The following DIS3L2 variants were observed in gnomAD, a reference collection of about 807,000 sequenced individuals.
The protein encoded by DIS3L2 is DIS3 like 3'-5' exoribonuclease 2.
Under a neutral mutation model 97.5 loss-of-function variants are expected in DIS3L2, and 34 were observed. The ratio of observed to expected loss-of-function variants is 0.35; its 90% CI spans 0.27 to 0.46. The LOEUF (loss-of-function observed/expected upper bound fraction) is 0.46. DIS3L2 is among the 20% of genes least tolerant of loss of function. The probability of loss-of-function intolerance (pLI) is 1.00; values close to 1 mark genes in which losing one functional copy is unlikely to be tolerated. For missense variants in DIS3L2, 1,038 were observed against 1,146.0 expected (o/e 0.91, Z 1.36); for synonymous variants, 435 against 445.2 (o/e 0.98, Z 0.29).
Position 232,330,776 on chromosome 2 carries a change from G to A in DIS3L2, c.2010G>A (p.Gln670=). The change falls in exon 16 of 21, where the codon CAG becomes CAA. Residue 670 remains glutamine (Q), a splice_region_variant and synonymous_variant. Coordinates refer to ENST00000325385, the MANE Select transcript of DIS3L2 (RefSeq NM_152383.5). ...CCAACATGTGCTCCCGGCCCATGCA[G>A]GTAAGGAGGGCCCAGCCCCGGCCTC... is the stretch of plus-strand genomic sequence containing the variant. The part of the protein sequence containing the change: ...VLTNMCSRPM[Q]MALYFCSGLL... 1 of 1,610,174 alleles carries A rather than the reference G, an allele frequency of 6.2e-7. No individual in the cohort carries two copies. The highest frequency in any genetic ancestry group is 1.1e-5 in the South Asian group (1 of 91,086).
At chr2:232,232,556 G>C (rs1290280587) in intron 10 of DIS3L2, among the ~76,000 whole-genome samples, 1 of 152,176 alleles carries the variant, frequency 6.6e-6, no homozygotes, top group African/African-American at 2.4e-5. Context: ...AAAGTCCCAG[G>C]TTTCTTTTTG....
intron 14 of DIS3L2, among the ~76,000 whole-genome samples, chr2:232,311,621 C>T (rs1462408026): frequency 6.6e-6 from 1 of 152,066 alleles, no homozygotes; most frequent in Non-Finnish European, 1.5e-5. Flanking sequence ...TCCCATGTGC[C>T]CCTCACTCCT....
chr2:232,075,222 G>T (rs1415988240), intron 5 of DIS3L2, among the ~76,000 whole-genome samples: 1 of 152,158 alleles, frequency 6.6e-6, no homozygotes, highest in Non-Finnish European at 1.5e-5. Context: ...ATTGTGACAT[G>T]TCTGAAGTCA....
At chr2:232,163,718 C>G (rs1690724002) in intron 9 of DIS3L2, 86 bp downstream of exon 9, 1 of 1,423,794 alleles carries the variant, frequency 7.0e-7, no homozygotes, top group Non-Finnish European at 9.3e-7. Flanking sequence ...TTTCATCTTT[C>G]CACGAACATT....
At chr2:231,966,970 G>A (rs1692740497) in intron 1 of DIS3L2, among the ~76,000 whole-genome samples, 1 of 152,146 alleles carries the variant, frequency 6.6e-6, no homozygotes, top group African/African-American at 2.4e-5. Context: ...GACCAGTTAT[G>A]TTGAGGCAAG....
intron 6 of DIS3L2, among the ~76,000 whole-genome samples, chr2:232,128,719 C>A (rs1246240347): frequency 1.3e-5 from 2 of 151,910 alleles, no homozygotes; most frequent in Non-Finnish European, 2.9e-5. Flanking sequence ...CCTCCCAAAG[C>A]ACTGGGATTA....
chr2:232,083,726 T>C (rs999468430), intron 5 of DIS3L2, among the ~76,000 whole-genome samples: 2 of 152,068 alleles, frequency 1.3e-5, no homozygotes, highest in Non-Finnish European at 2.9e-5. Flanking sequence ...AACTCCTGAC[T>C]GCAAGTGATC....
At chr2:232,335,368 G>A (rs531110331) in intron 19 of DIS3L2, 9 of 216,194 alleles carry the variant, frequency 4.2e-5, no homozygotes, top group East Asian at 1.2e-4. Context: ...GTCCCCCTGC[G>A]GACCCTGGGG....
rs11693650 is a variant in DIS3L2, at chr2:232,266,541, C to T, written c.1659+3101C>T. Among the ~76,000 whole-genome samples, 436 of 152,274 alleles carry T rather than the reference C, an allele frequency of 2.9e-3. 1 individual carries two copies. The highest frequency in any genetic ancestry group is 4.7e-3 in the Non-Finnish European group (319 of 68,024). ...CTTGGAGTTGATTCCTTGGTTCCCC[C>T]GAAAACAAGTCCATGGACCCCAGCT... On this transcript the variant is annotated intron_variant, in intron 13 of 20. Transcript: ENST00000325385.
intron 12 of DIS3L2, among the ~76,000 whole-genome samples, chr2:232,255,334 T>A (rs1042498639): frequency 2.0e-5 from 3 of 152,210 alleles, no homozygotes; most frequent in Non-Finnish European, 2.9e-5. Context: ...GCCAACAGCA[T>A]CATGCCACAG....
intron 8 of DIS3L2, among the ~76,000 whole-genome samples, chr2:232,148,740 T>TTTTC (rs1232062525): frequency 1.6e-5 from 2 of 127,338 alleles, no homozygotes; most frequent in African/African-American, 5.7e-5. Flanking sequence ...TTCTCCTTAA[T>TTTTC]TTTCTTTCTT....
At chr2:232,295,474 T>C (rs1694702055) in intron 13 of DIS3L2, among the ~76,000 whole-genome samples, 1 of 152,234 alleles carries the variant, frequency 6.6e-6, no homozygotes, top group Non-Finnish European at 1.5e-5. Context: ...TCCCTTGTCA[T>C]CTCAGAGACC....
chr2:232,119,412 C>T (rs1243721216), intron 6 of DIS3L2, among the ~76,000 whole-genome samples: 1 of 152,140 alleles, frequency 6.6e-6, no homozygotes, highest in Non-Finnish European at 1.5e-5. Context: ...TGAAGCTTGG[C>T]CTCTTTCAGA....
chr2:232,333,755 C>T (rs1168493826), intron 16 of DIS3L2, 85 bp from the exon 17 acceptor site: 27 of 1,488,856 alleles, frequency 1.8e-5, no homozygotes, highest in Non-Finnish European at 2.2e-5. Flanking sequence ...TCGCTGCCGA[C>T]GGTGAGGCTG....
intron 8 of DIS3L2, among the ~76,000 whole-genome samples, chr2:232,139,821 A>T (rs537322938): frequency 3.0e-4 from 45 of 152,296 alleles, no homozygotes; most frequent in African/African-American, 8.9e-4. Flanking sequence ...AGTAAGACAG[A>T]TGAGGTGGGA....
intron 8 of DIS3L2, among the ~76,000 whole-genome samples, chr2:232,137,884 T>G (rs1399829982): frequency 1.3e-5 from 2 of 152,196 alleles, no homozygotes; most frequent in Non-Finnish European, 2.9e-5. Flanking sequence ...GTCAACCCCT[T>G]GAGCCCTAAA....
At chr2:232,074,513 G>A (rs1430523196) in intron 5 of DIS3L2, among the ~76,000 whole-genome samples, 2 of 149,542 alleles carry the variant, frequency 1.3e-5, no homozygotes, top group Non-Finnish European at 3.0e-5. Context: ...GTGGTTTACT[G>A]TCTAGTGGAA....
intron 14 of DIS3L2, among the ~76,000 whole-genome samples, chr2:232,318,012 C>T (rs1243641855): frequency 6.6e-6 from 1 of 152,196 alleles, no homozygotes; most frequent in African/African-American, 2.4e-5. Context: ...CTACCTTTCC[C>T]CCCTGACTTT....
rs1486823253 is a variant in DIS3L2 at position 232,293,553 on chromosome 2, C to A, written c.1660-6487C>A. ...AAGAGAGCCTGGTCTGCTCTGAACC[C>A]CTCAGGGAAGTGGACCGCGTCGGGG... On this transcript the variant is annotated intron_variant, in intron 13 of 20. Transcript: ENST00000325385. The surrounding 1 kb of genome is among the most constrained non-coding windows in gnomAD (Gnocchi z 4.6). 2.6e-5 allele frequency among the ~76,000 whole-genome samples: 4 copies of A among 152,134 alleles called. No individual in the cohort carries two copies.
Sources: gnomAD v4.1 joint callset for allele counts (sites outside exome capture counted in the v4.1 genomes callset) on GRCh38, gnomAD v4.1.1 for gene constraint, Gnocchi (gnomAD v3.1) non-coding constraint, MANE v1.5 for transcripts, NCBI Gene and HGNC (gene_info 2026-07-23, HGNC 2026-07-21) for gene names.